The following KCNB2 variants were observed in gnomAD, a reference collection of about 807,000 sequenced individuals.
KCNB2 encodes the protein delayed rectifier potassium channel protein.
A neutral mutation model predicts 61.5 loss-of-function variants in KCNB2; 15 were observed. That is an observed-to-expected ratio of 0.24 (90% CI 0.16 to 0.38). The LOEUF is 0.38. KCNB2 is among the 10% of genes least tolerant of loss of function. The pLI, the probability that KCNB2 is intolerant of heterozygous loss-of-function variation, is 1.00. For synonymous variants in KCNB2, 457 were observed against 446.0 expected (o/e 1.02, Z -0.31); for missense variants, 828 against 1,125.2 (o/e 0.74, Z 3.78).
intron 2 of KCNB2, among the ~76,000 whole-genome samples, chr8:72,615,930 G>C (rs980169181): frequency 6.6e-6 from 1 of 152,122 alleles, no homozygotes; most frequent in Non-Finnish European, 1.5e-5. Flanking sequence ...GTGAACAAAA[G>C]ATAATTTAAG....
chr8:72,620,531 C>G (rs1805698855), intron 2 of KCNB2, among the ~76,000 whole-genome samples: 2 of 152,204 alleles, frequency 1.3e-5, no homozygotes, highest in African/African-American at 4.8e-5. Context: ...CCCACTGTCC[C>G]TTTCTAACTG....
intron 2 of KCNB2, among the ~76,000 whole-genome samples, chr8:72,725,626 T>TGTGTGTATATATATA (rs1563572150): frequency 6.9e-6 from 1 of 144,120 alleles, no homozygotes; most frequent in Admixed American, 7.1e-5. Context: ...TATATATGCA[T>TGTGTGTATATATATA]TCTTCTGAAA....
rs116179328 is a variant in KCNB2 at position 72,704,478 on chromosome 8, G to A, written c.579+136165G>A. The stretch of plus-strand genomic sequence containing the variant: ...ATGGCAAAACTATTACAGCTCTCTC[G>A]GAGATACTGTCAGAGAAAGCTGGTG... On this transcript the variant is annotated intron_variant, in intron 2 of 2. Transcript: ENST00000523207. Among the ~76,000 whole-genome samples the A allele has an allele frequency of 8.5e-3, 1,289 of 150,858 alleles. 17 individuals are homozygous for A. The highest frequency in any genetic ancestry group is 0.029 in the African/African-American group (1,199 of 41,252).
intron 2 of KCNB2, among the ~76,000 whole-genome samples, chr8:72,764,837 A>G (rs1267764886): frequency 2.0e-5 from 3 of 152,192 alleles, no homozygotes; most frequent in Non-Finnish European, 4.4e-5. Flanking sequence ...TTTCCACTCA[A>G]CGGAAGCATA....
intron 2 of KCNB2, among the ~76,000 whole-genome samples, chr8:72,906,811 G>A (rs1177521224): frequency 2.0e-5 from 3 of 152,148 alleles, no homozygotes; most frequent in Non-Finnish European, 4.4e-5. Context: ...CTTGTAGGAC[G>A]CACTGGGCAA....
chr8:72,661,494 A>C (rs1472022110), intron 2 of KCNB2: 2 of 152,222 alleles, frequency 1.3e-5, no homozygotes, highest in African/African-American at 4.8e-5. Context: ...GAGATCATCT[A>C]GAAACCTCAT....
chr8:72,917,926 A>G (rs969474324), intron 2 of KCNB2, among the ~76,000 whole-genome samples: 3 of 152,150 alleles, frequency 2.0e-5, no homozygotes, highest in African/African-American at 7.2e-5. Context: ...CAGGGAAGAG[A>G]AAGGACCCAA....
intron 2 of KCNB2, among the ~76,000 whole-genome samples, chr8:72,810,522 G>T (rs190490315): frequency 6.6e-6 from 1 of 152,130 alleles, no homozygotes; most frequent in African/African-American, 2.4e-5. Flanking sequence ...TTTAGATAAG[G>T]AAATACCATC....
intron 2 of KCNB2, among the ~76,000 whole-genome samples, chr8:72,629,057 G>A (rs908962443): frequency 2.0e-5 from 3 of 152,174 alleles, no homozygotes; most frequent in Non-Finnish European, 4.4e-5. Flanking sequence ...GCAAGACAGT[G>A]ACACCACAGA....
At chr8:72,842,023 G>A (rs910754385) in intron 2 of KCNB2, among the ~76,000 whole-genome samples, 1 of 152,284 alleles carries the variant, frequency 6.6e-6, no homozygotes. Flanking sequence ...AAGGGAACGC[G>A]CCTAGCTTTT....
At chr8:72,612,832 A>G (rs986968441) in intron 2 of KCNB2, among the ~76,000 whole-genome samples, 3 of 152,204 alleles carry the variant, frequency 2.0e-5, no homozygotes, top group Admixed American at 1.3e-4. Flanking sequence ...TTTTTAATAT[A>G]AAGTACAGCA....
chr8:72,778,733 C>CAAAAAA (rs753797385), intron 2 of KCNB2, among the ~76,000 whole-genome samples: 267 of 14,170 alleles, frequency 0.019, 32 homozygotes, highest in Middle Eastern at 0.1. Context: ...ACAGAGCGAG[C>CAAAAAA]AAAAAAAAAA....
chr8:72,725,591 G>GTATGTATATA (rs1807631795), intron 2 of KCNB2, among the ~76,000 whole-genome samples: 3 of 51,948 alleles, frequency 5.8e-5, no homozygotes, highest in African/African-American at 1.9e-4. Flanking sequence ...ATATATGTAT[G>GTATGTATATA]TATATATATA....
chr8:72,601,970 C>G (rs1411137564), intron 2 of KCNB2, among the ~76,000 whole-genome samples: 3 of 152,160 alleles, frequency 2.0e-5, no homozygotes, highest in Non-Finnish European at 4.4e-5. Flanking sequence ...AATTGCAACT[C>G]AAGTTTGGTC....
At chr8:72,843,928 C>T (rs10088327) in intron 2 of KCNB2, among the ~76,000 whole-genome samples, 72,416 of 151,940 alleles carry the variant, frequency 0.48, 18,192 homozygotes, top group Middle Eastern at 0.58. Context: ...GGCATTTAGC[C>T]CATTTATATT....
At chr8:72,744,176 A>G (rs1241424842) in intron 2 of KCNB2, among the ~76,000 whole-genome samples, 2 of 152,194 alleles carry the variant, frequency 1.3e-5, no homozygotes, top group African/African-American at 4.8e-5. Flanking sequence ...ATAAGAGAAG[A>G]CCAAGTGCAG....
At chr8:72,601,198 T>C (rs745604320) in intron 2 of KCNB2, among the ~76,000 whole-genome samples, 8 of 152,198 alleles carry the variant, frequency 5.3e-5, no homozygotes, top group Admixed American at 2.6e-4. Flanking sequence ...TCAGTAGGAA[T>C]TGACATACTT....
chr8:72,669,753 A>C (rs1309531693), intron 2 of KCNB2, among the ~76,000 whole-genome samples: 1 of 152,256 alleles, frequency 6.6e-6, no homozygotes, highest in Non-Finnish European at 1.5e-5. Context: ...CATGTCATTC[A>C]AGGATCTAGA....
intron 2 of KCNB2, among the ~76,000 whole-genome samples, chr8:72,758,491 C>A (rs929744080): frequency 2.0e-5 from 3 of 152,280 alleles, no homozygotes; most frequent in Middle Eastern, 6.8e-3. Context: ...ACTTACATAG[C>A]TAATGAATGA....
Sources: allele counts gnomAD v4.1 joint callset (sites outside exome capture counted in the v4.1 genomes callset), GRCh38; gene constraint gnomAD v4.1.1; transcripts MANE v1.5; gene names NCBI Gene and HGNC (gene_info 2026-07-23, HGNC 2026-07-21).